Variants in CDH4 observed in about 807,000 individuals in gnomAD.
CDH4 encodes the protein cadherin 4.
CDH4 carries 33 observed loss-of-function variants against 86.0 expected under a neutral mutation model. That is an observed-to-expected ratio of 0.38 (90% CI 0.29 to 0.51). The LOEUF is 0.51. Among genes scored for constraint, CDH4 ranks in the 20% least tolerant of loss-of-function variants. The pLI is 0.86. For synonymous variants in CDH4, 555 were observed against 549.4 expected, an observed-to-expected ratio of 1.01 and a Z score of -0.14; for missense variants, 1,114 against 1,307.4, an observed-to-expected ratio of 0.85 and a Z score of 2.28.
chr20:61,909,197 T>C (rs906293422), intron 8 of CDH4, among the ~76,000 whole-genome samples: 1 of 152,162 alleles, frequency 6.6e-6, no homozygotes, highest in Non-Finnish European at 1.5e-5. Context: ...TGCCTGCAGA[T>C]GTGCACAGCA....
intron 9 of CDH4, among the ~76,000 whole-genome samples, chr20:61,922,905 A>G (rs2054997208): frequency 6.6e-6 from 1 of 152,246 alleles, no homozygotes; most frequent in South Asian, 2.1e-4. Context: ...ACAGGCGTGC[A>G]TGACCGCACC....
intron 2 of CDH4, among the ~76,000 whole-genome samples, chr20:61,347,282 A>G (rs1319928906): frequency 6.6e-6 from 1 of 152,210 alleles, no homozygotes; most frequent in Non-Finnish European, 1.5e-5. Flanking sequence ...CACACATTTT[A>G]CTAGTGGCGG....
chr20:61,464,157 C>T (rs2085460369), intron 2 of CDH4, among the ~76,000 whole-genome samples: 4 of 152,196 alleles, frequency 2.6e-5, no homozygotes, highest in Middle Eastern at 3.4e-3. Context: ...AAACTTGGCA[C>T]GTTGGGGCTC....
Position 61,617,426 on chromosome 20 carries a change from A to G in CDH4, c.170-126137A>G, listed in dbSNP as rs556071088. ...ATTTCTCACAAAGCATTGTAGCTGC[A>G]GACAGCCATCCCACAGGCTGGGGAG... On this transcript the variant is annotated intron_variant, in intron 2 of 15. Coordinates refer to ENST00000614565, the MANE Select transcript of CDH4 (RefSeq NM_001794.5). Among the ~76,000 whole-genome samples, 92 of 152,348 alleles carry G rather than the reference A, an allele frequency of 6.0e-4. 1 individual carries two copies. Among genetic ancestry groups the G allele is most frequent in the African/African-American group, 2.1e-3 (86 of 41,578 alleles).
intron 2 of CDH4, among the ~76,000 whole-genome samples, chr20:61,707,154 C>T (rs1273004655): frequency 1.2e-4 from 19 of 152,232 alleles, no homozygotes; most frequent in Non-Finnish European, 1.5e-5. Flanking sequence ...TCCCCATGAG[C>T]GCATGGCGGG....
At chr20:61,303,454 T>G (rs1254013147) in intron 2 of CDH4, among the ~76,000 whole-genome samples, 3 of 63,476 alleles carry the variant, frequency 4.7e-5, no homozygotes, top group Non-Finnish European at 1.2e-4. Flanking sequence ...CTGGCCCTGC[T>G]CTTGCCATTT....
rs891903028 is a variant in CDH4, at chr20:61,938,689, C to G, written c.*1746C>G. On this transcript the variant is annotated 3_prime_UTR_variant, in exon 16 of 16. Coordinates refer to ENST00000614565, the MANE Select transcript of CDH4 (RefSeq NM_001794.5). ...CCACCAGGGGCCCCGGCCCCCACCT[C>G]AGCCTATGGCCCTTCCCCATGGCTA... 6.6e-6 allele frequency: 1 copy of G among 152,548 alleles called. No individual in the cohort carries two copies. The highest frequency in any genetic ancestry group is 1.5e-5 in the Non-Finnish European group (1 of 68,298). The allele number at this position is 152,548 out of a possible 1,614,324, so 9.4% of individuals were successfully genotyped here.
intron 9 of CDH4, among the ~76,000 whole-genome samples, chr20:61,911,142 G>A (rs2054845759): frequency 1.3e-5 from 2 of 152,168 alleles, no homozygotes; most frequent in South Asian, 4.1e-4. Flanking sequence ...TCCCCTGAAT[G>A]TTTCGTCACA....
rs774819251 is a variant in CDH4 at position 61,393,634 on chromosome 20, A to G, written c.169+138697A>G. ...TAGGTGTTGAGTAACAGAGACCCAA[A>G]GCATAGTGGTTGCAGCGAGGATCAT... On this transcript the variant is annotated intron_variant, in intron 2 of 15. Transcript: ENST00000614565. The surrounding 1 kb of genome is among the most constrained non-coding windows in gnomAD (Gnocchi z 4.3). 9.2e-5 allele frequency among the ~76,000 whole-genome samples: 14 copies of G among 152,148 alleles called. No individual in the cohort carries two copies.
intron 4 of CDH4, among the ~76,000 whole-genome samples, chr20:61,777,455 G>A (rs527618412): frequency 1.1e-4 from 16 of 152,360 alleles, no homozygotes; most frequent in African/African-American, 2.2e-4. Context: ...AAAGGAAGGC[G>A]GAGTGGGCAT....
intron 2 of CDH4, among the ~76,000 whole-genome samples, chr20:61,339,311 T>G (rs1047827899): frequency 6.6e-6 from 1 of 152,204 alleles, no homozygotes; most frequent in Non-Finnish European, 1.5e-5. Context: ...CAAACAGGTC[T>G]TCCACTGATG....
intron 2 of CDH4, among the ~76,000 whole-genome samples, chr20:61,327,322 G>A (rs2084542096): frequency 6.6e-6 from 1 of 152,160 alleles, no homozygotes; most frequent in African/African-American, 2.4e-5. Flanking sequence ...AATTTTCCTT[G>A]ATAAATAAAG....
At position 61,547,039 on chromosome 20, in the gene CDH4, G is replaced by A. The variant is rs930925528; in HGVS notation, c.170-196524G>A. On this transcript the variant is annotated intron_variant, in intron 2 of 15. Transcript: ENST00000614565. ...AGGTGACTTAGGAAACTGACAGATCGCTGCCTCCCTCCCTTCTATATCCTT... is the reference window on the plus strand; with the variant it reads ...AGGTGACTTAGGAAACTGACAGATCACTGCCTCCCTCCCTTCTATATCCTT... 5.9e-5 allele frequency among the ~76,000 whole-genome samples: 9 copies of A among 151,804 alleles called. No homozygotes were observed. The East Asian group carries it at 1.4e-3, about 23-fold the overall frequency.
At chr20:61,337,056 G>T (rs1410088184) in intron 2 of CDH4, among the ~76,000 whole-genome samples, 1 of 152,052 alleles carries the variant, frequency 6.6e-6, no homozygotes, top group African/African-American at 2.4e-5. Context: ...ACAGGCCTGG[G>T]TTGGAATCCT....
Position 61,467,880 on chromosome 20 carries a change from G to A in CDH4, c.169+212943G>A, listed in dbSNP as rs116093620. Among the ~76,000 whole-genome samples, 1,054 of 152,268 alleles carry A rather than the reference G, an allele frequency of 6.9e-3. 11 individuals are homozygous for A. The highest frequency in any genetic ancestry group is 0.024 in the African/African-American group (997 of 41,566). On this transcript the variant is annotated intron_variant, in intron 2 of 15. Coordinates refer to ENST00000614565, the MANE Select transcript of CDH4 (RefSeq NM_001794.5). ...GGACTCACAGAGCTCACTGAAAGCT[G>A]TTATACTCATGGTTACCATTTATTA...
In CDH4 at chr20:61,847,894, A is replaced by T. The variant is rs1982531500; in HGVS notation, c.732+3071A>T. Among the ~76,000 whole-genome samples the T allele has an allele frequency of 2.0e-5, 3 of 152,312 alleles. No individual in the cohort carries two copies. The South Asian group carries it at 6.2e-4, about 32-fold the overall frequency. On this transcript the variant is annotated intron_variant, in intron 5 of 15. Transcript: ENST00000614565. Reference sequence around the variant, plus strand: ...CCACAAGGGCAGCACTGAGCCATTGACAAGTGATCCACCCCCATGATCCAA... The same window carrying T: ...CCACAAGGGCAGCACTGAGCCATTGTCAAGTGATCCACCCCCATGATCCAA...
intron 6 of CDH4, among the ~76,000 whole-genome samples, chr20:61,869,897 T>C (rs1369104047): frequency 6.6e-6 from 1 of 152,224 alleles, no homozygotes. Flanking sequence ...TGGGGAGAGC[T>C]GGGCCCCAGT....
intron 2 of CDH4, among the ~76,000 whole-genome samples, chr20:61,532,311 G>T (rs1032372742): frequency 6.6e-6 from 1 of 152,152 alleles, no homozygotes; most frequent in Non-Finnish European, 1.5e-5. Context: ...TGGTTTCTTT[G>T]TTCTTCTATG....
At chr20:61,416,400 C>T (rs1406567001) in intron 2 of CDH4, among the ~76,000 whole-genome samples, 1 of 152,212 alleles carries the variant, frequency 6.6e-6, no homozygotes, top group Admixed American at 6.5e-5. Context: ...TTGTTTCTCA[C>T]AGCTGCTGCG....
Sources: allele counts gnomAD v4.1 joint callset (sites outside exome capture counted in the v4.1 genomes callset), GRCh38; gene constraint gnomAD v4.1.1; non-coding constraint Gnocchi (gnomAD v3.1); transcripts MANE v1.5; gene names NCBI Gene and HGNC (gene_info 2026-07-23, HGNC 2026-07-21).